The following COL23A1 variants were observed in gnomAD, a reference collection of about 807,000 sequenced individuals.
COL23A1 encodes the protein collagen alpha-1(XXIII) chain.
In COL23A1, 97 loss-of-function variants were observed where a neutral mutation model predicts 99.3. The observed-to-expected ratio is 0.98, with a 90% CI of 0.83 to 1.16. The LOEUF (loss-of-function observed/expected upper bound fraction) is 1.16. Ranked by LOEUF, COL23A1 falls within the 50% of genes most tolerant of loss-of-function variation. COL23A1 has a pLI of 0.00. For missense variants in COL23A1, 762 were observed against 757.4 expected (o/e 1.01, Z -0.07); for synonymous variants, 320 against 308.2 (o/e 1.04, Z -0.40).
At chr5:178,426,402 A>C (rs1035596655) in intron 2 of COL23A1, among the ~76,000 whole-genome samples, 1 of 152,102 alleles carries the variant, frequency 6.6e-6, no homozygotes, top group Non-Finnish European at 1.5e-5. Context: ...CTCTGTGTTT[A>C]CCATGTCTAG....
At chr5:178,498,205 AATATAT>A (rs1159261586) in intron 2 of COL23A1, among the ~76,000 whole-genome samples, 911 of 33,990 alleles carry the variant, frequency 0.027, 16 homozygotes, top group Non-Finnish European at 0.037. Context: ...TCTTTATTTA[AATATAT>A]ATATATATAT....
chr5:178,380,026 A>G (rs539879741), intron 2 of COL23A1, among the ~76,000 whole-genome samples: 28 of 152,330 alleles, frequency 1.8e-4, no homozygotes, highest in African/African-American at 6.5e-4. Flanking sequence ...GGCTCCACAG[A>G]CTTTCAGGGC....
At position 178,553,564 on chromosome 5, in the gene COL23A1, A is replaced by T. The variant is rs534033980; in HGVS notation, c.361+7118T>A. ...CAAGGATCCAAAAAGACACAAAAAG[A>T]AAACGAAAAGGATGATACCATTCTG... On this transcript the variant is annotated intron_variant, in intron 2 of 28. Coordinates refer to ENST00000390654, the MANE Select transcript of COL23A1 (RefSeq NM_173465.4). Among the ~76,000 whole-genome samples, 11 of 152,354 alleles carry T rather than the reference A, an allele frequency of 7.2e-5. 1 individual carries two copies. In the South Asian group the frequency reaches 2.3e-3, roughly 32 times the overall value.
At chr5:178,330,333 C>T (rs1480731522) in intron 2 of COL23A1, among the ~76,000 whole-genome samples, 2 of 152,184 alleles carry the variant, frequency 1.3e-5, no homozygotes, top group Non-Finnish European at 2.9e-5. Flanking sequence ...TGGGTCAAGC[C>T]GTCTGAAGCC....
chr5:178,306,988 C>T lies in COL23A1; in HGVS notation c.362-69G>A. On this transcript the variant is annotated intron_variant, in intron 2 of 28. Transcript: ENST00000390654. The surrounding 1 kb of genome is among the most constrained non-coding windows in gnomAD (Gnocchi z 4.1). ...GTGGACTTGGCTGCGTGGGGCATGC[C>T]CCAGCCACCCACCTGTCCGCTCGCA... 1 of 1,188,824 alleles carries T rather than the reference C, an allele frequency of 8.4e-7. No individual in the cohort carries two copies. The highest frequency in any genetic ancestry group is 1.1e-6 in the Non-Finnish European group (1 of 882,896). 73.6% of individuals were successfully genotyped at this position (1,188,824 alleles called of 1,614,324 possible). A position where few individuals can be genotyped will look rare whatever the true frequency, so the allele number is the denominator to read the frequency against.
At chr5:178,482,154 C>T (rs779783428) in intron 2 of COL23A1, among the ~76,000 whole-genome samples, 3 of 152,036 alleles carry the variant, frequency 2.0e-5, no homozygotes, top group Non-Finnish European at 4.4e-5. Context: ...TAGTTTTATA[C>T]CAACGTTCAC....
At chr5:178,444,718 C>A (rs1045963608) in intron 2 of COL23A1, among the ~76,000 whole-genome samples, 6 of 152,154 alleles carry the variant, frequency 3.9e-5, no homozygotes, top group African/African-American at 1.4e-4. Context: ...ATTGCTTGAA[C>A]CTGAGAGGTA....
rs1339055725 is a variant in COL23A1 at position 178,588,449 on chromosome 5, TAGCGCTAAC to T, written c.294+1446_294+1454del. Among the ~76,000 whole-genome samples, 30 of 152,236 alleles carry T rather than the reference TAGCGCTAAC, an allele frequency of 2.0e-4. 2 individuals carry two copies. Among genetic ancestry groups the T allele is most frequent in the Admixed American group, 2.0e-3 (30 of 15,288 alleles). On this transcript the variant is annotated intron_variant, in intron 1 of 28. Coordinates refer to ENST00000390654, the MANE Select transcript of COL23A1 (RefSeq NM_173465.4). ...CTATGAGAAAGAGCAGCCACACTTA[TAGCGCTAAC>T]AGGTAGAAACTTTACTGGCCCTCTA...
At chr5:178,273,671 C>T (rs1235340355) in intron 5 of COL23A1, among the ~76,000 whole-genome samples, 3 of 152,206 alleles carry the variant, frequency 2.0e-5, no homozygotes, top group African/African-American at 7.2e-5. Flanking sequence ...CGGGGCTGGG[C>T]CAGCCCCTGG....
Position 178,280,184 on chromosome 5 carries a change from G to C in COL23A1, c.441+8140C>G, listed in dbSNP as rs1756820209. 6.6e-6 allele frequency among the ~76,000 whole-genome samples: 1 copy of C among 152,254 alleles called. No individual in the cohort carries two copies. The highest frequency in any genetic ancestry group is 1.5e-5 in the Non-Finnish European group (1 of 68,054). ...CCGAAGGCTGCCTCCAGCCCTGGCG[G>C]ACTCTTGCGCTGGACTCCCGCCCTC... On this transcript the variant is annotated intron_variant, in intron 5 of 28. Coordinates refer to ENST00000390654, the MANE Select transcript of COL23A1 (RefSeq NM_173465.4). The surrounding 1 kb of genome is among the most constrained non-coding windows in gnomAD (Gnocchi z 4.9).
In COL23A1 at chr5:178,478,984, T is replaced by C. The variant is rs57114914; in HGVS notation, c.361+81698A>G. 2.2e-3 allele frequency among the ~76,000 whole-genome samples: 341 copies of C among 152,168 alleles called. 3 individuals carry two copies. The highest frequency in any genetic ancestry group is 7.6e-3 in the African/African-American group (317 of 41,524). On this transcript the variant is annotated intron_variant, in intron 2 of 28. Coordinates refer to ENST00000390654, the MANE Select transcript of COL23A1 (RefSeq NM_173465.4). ...AGAAGAGGAGCTACTCCTAAAAACA[T>C]TGAGTTTTCTTGTCACCCTGGCTTC...
intron 2 of COL23A1, among the ~76,000 whole-genome samples, chr5:178,391,444 A>T (rs1486347145): frequency 1.3e-5 from 2 of 152,278 alleles, no homozygotes; most frequent in Non-Finnish European, 2.9e-5. Flanking sequence ...TTCTCCAAAG[A>T]AGATAAACAA....
intron 2 of COL23A1, among the ~76,000 whole-genome samples, chr5:178,442,273 TG>T (rs1766914704): frequency 6.6e-6 from 1 of 152,156 alleles, no homozygotes; most frequent in Admixed American, 6.5e-5. Flanking sequence ...AGAAGTCTTA[TG>T]AAAGGTTCTG....
intron 5 of COL23A1, among the ~76,000 whole-genome samples, chr5:178,271,552 C>T (rs934274114): frequency 2.6e-5 from 4 of 152,198 alleles, no homozygotes; most frequent in African/African-American, 9.7e-5. Context: ...ACAACTCTTC[C>T]CCTGTAGAGT....
intron 17 of COL23A1, among the ~76,000 whole-genome samples, chr5:178,251,271 T>A (rs1484556406): frequency 6.6e-6 from 1 of 152,048 alleles, no homozygotes; most frequent in African/African-American, 2.4e-5. Context: ...TCCACCCGCC[T>A]CCACCTCCCA....
intron 3 of COL23A1, among the ~76,000 whole-genome samples, chr5:178,299,085 T>C (rs921970554): frequency 6.6e-6 from 1 of 152,224 alleles, no homozygotes; most frequent in Non-Finnish European, 1.5e-5. Context: ...TTTATGTCTG[T>C]GTTCATAAAA....
Position 178,294,678 on chromosome 5 carries a change from A to G in COL23A1, c.407-4309T>C, listed in dbSNP as rs150283259. 7.2e-3 allele frequency among the ~76,000 whole-genome samples: 1,091 copies of G among 152,360 alleles called. 11 individuals are homozygous for G. The highest frequency in any genetic ancestry group is 9.6e-3 in the Non-Finnish European group (653 of 68,042). ...AGGATCAATGATTTTACATGTTAAG[A>G]AAACCATAAAAATCCTAGAAGAAAA... On this transcript the variant is annotated intron_variant, in intron 3 of 28. Transcript: ENST00000390654.
At chr5:178,573,916 T>C (rs1226284657) in intron 1 of COL23A1, among the ~76,000 whole-genome samples, 1 of 151,974 alleles carries the variant, frequency 6.6e-6, no homozygotes, top group Non-Finnish European at 1.5e-5. Flanking sequence ...TGGAGTACAG[T>C]GATGCAATCT....
chr5:178,238,805 C>A (rs1764242985), intron 28 of COL23A1, 105 bp from the exon 29 acceptor site: 1 of 1,457,006 alleles, frequency 6.9e-7, no homozygotes, highest in Non-Finnish European at 9.6e-7. Context: ...TTCCTCCTAT[C>A]TTCCCTCCCC....
Sources: allele counts gnomAD v4.1 joint callset (sites outside exome capture counted in the v4.1 genomes callset), GRCh38; gene constraint gnomAD v4.1.1; non-coding constraint Gnocchi (gnomAD v3.1); transcripts MANE v1.5; gene names NCBI Gene and HGNC (gene_info 2026-07-23, HGNC 2026-07-21).